PHF21B: variants seen among roughly 807,000 people sequenced by gnomAD.
PHF21B encodes PHD finger protein 4.
Under a neutral mutation model 62.2 loss-of-function variants are expected in PHF21B, and 22 were observed. That is an observed-to-expected ratio of 0.35 (90% CI 0.25 to 0.51). The LOEUF (loss-of-function observed/expected upper bound fraction) is 0.51. Ranked by LOEUF, PHF21B falls within the 20% of genes least tolerant of loss-of-function variation. The pLI is 0.97. For missense variants in PHF21B, 701 were observed against 707.9 expected (o/e 0.99, Z 0.11); for synonymous variants, 341 against 314.7 (o/e 1.08, Z -0.88).
chr22:44,970,280 CA>C (rs532048362), intron 2 of PHF21B, among the ~76,000 whole-genome samples: 7 of 152,364 alleles, frequency 4.6e-5, no homozygotes, highest in African/African-American at 1.7e-4. Context: ...CACAGAAGGG[CA>C]GGGGGGAATC....
intron 5 of PHF21B, among the ~76,000 whole-genome samples, chr22:44,911,483 T>C (rs908084023): frequency 9.2e-5 from 14 of 152,128 alleles, no homozygotes; most frequent in African/African-American, 2.7e-4. Flanking sequence ...TCTAGGGACT[T>C]AGTGCCCTGT....
In PHF21B at chr22:45,009,634, C is replaced by T. The variant is rs2073388985; in HGVS notation, c.-85G>A. ...GGCTCCGCGGGGGCCAGAGCGGGCG[C>T]GGGCGGACGCGGCCTCCGGGCTGGG... is the stretch of plus-strand genomic sequence containing the variant. On this transcript the variant is annotated 5_prime_UTR_variant, in exon 1 of 13. Transcript: ENST00000313237. This position sits in a 1 kb window ranked among gnomAD's most constrained non-coding sequence, Gnocchi z 5.9. 3 of 1,295,698 alleles carry T rather than the reference C, an allele frequency of 2.3e-6. No individual in the cohort carries two copies. The highest frequency in any genetic ancestry group is 3.3e-5 in the Admixed American group (1 of 30,498). 80.3% of individuals were successfully genotyped at this position (1,295,698 alleles called of 1,614,324 possible). A position where few individuals can be genotyped will look rare whatever the true frequency, so the allele number is the denominator to read the frequency against.
rs954642876 is a variant in PHF21B at position 44,882,721 on chromosome 22, G to A, written c.*365C>T. 20 of 228,108 alleles carry A rather than the reference G, an allele frequency of 8.8e-5. 2 individuals carry two copies. The highest frequency in any genetic ancestry group is 6.4e-4 in the Admixed American group (12 of 18,872). 14.1% of individuals were successfully genotyped at this position (228,108 alleles called of 1,614,324 possible). On this transcript the variant is annotated 3_prime_UTR_variant, in exon 13 of 13. Transcript: ENST00000313237. Reference sequence around the variant, plus strand: ...CAGTGGAGACTGCGTTCTGGGGGGCGTGCTTGTCCCCTCCACAGCCTCAGC... The same window carrying A: ...CAGTGGAGACTGCGTTCTGGGGGGCATGCTTGTCCCCTCCACAGCCTCAGC...
chr22:45,008,467 G>T, intron 2 of PHF21B, 78 bp downstream of exon 2: 2 of 1,374,440 alleles, frequency 1.5e-6, no homozygotes, highest in Non-Finnish European at 9.7e-7. Context: ...GCCCAGGCTG[G>T]CACTTTTTAG....
At chr22:44,984,213 C>T (rs2072904105) in intron 2 of PHF21B, among the ~76,000 whole-genome samples, 2 of 146,250 alleles carry the variant, frequency 1.4e-5, no homozygotes, top group Admixed American at 6.8e-5. Context: ...CCACCATCAT[C>T]ACCACCACCA....
intron 2 of PHF21B, among the ~76,000 whole-genome samples, chr22:44,963,463 C>G (rs887641916): frequency 1.3e-5 from 2 of 152,244 alleles, no homozygotes; most frequent in African/African-American, 2.4e-5. Context: ...CAAGCAGGGT[C>G]TGAGAGCCCT....
chr22:44,890,650 G>T (rs2070946842), intron 8 of PHF21B, among the ~76,000 whole-genome samples: 1 of 152,260 alleles, frequency 6.6e-6, no homozygotes, highest in African/African-American at 2.4e-5. Flanking sequence ...TAACTGAAGA[G>T]AACTGGCAGC....
intron 2 of PHF21B, among the ~76,000 whole-genome samples, chr22:44,990,010 G>A (rs372717735): frequency 1.3e-4 from 20 of 152,342 alleles, no homozygotes; most frequent in Admixed American, 8.5e-4. Flanking sequence ...AGTGCACGCC[G>A]AAGGGGCCAA....
Position 44,905,191 on chromosome 22 carries a change from C to T in PHF21B, c.831+8631G>A, listed in dbSNP as rs535064951. Among the ~76,000 whole-genome samples, 100 of 152,322 alleles carry T rather than the reference C, an allele frequency of 6.6e-4. 1 individual carries two copies. The South Asian group carries it at 0.017, about 27-fold the overall frequency. On this transcript the variant is annotated intron_variant, in intron 5 of 12. Coordinates refer to ENST00000313237, the MANE Select transcript of PHF21B (RefSeq NM_138415.5). ...TGCTGAAAGCCCCATGAGGTGAAAG[C>T]GAGGTTTCCCCACTTGTTTTCTGTC...
chr22:44,926,081 G>T (rs1366980050), intron 2 of PHF21B, among the ~76,000 whole-genome samples: 2 of 151,598 alleles, frequency 1.3e-5, no homozygotes, highest in Non-Finnish European at 3.0e-5. Flanking sequence ...GGGGAAGTGG[G>T]TTCTGTGGTG....
chr22:44,994,473 C>T (rs2073089018), intron 2 of PHF21B, among the ~76,000 whole-genome samples: 2 of 152,230 alleles, frequency 1.3e-5, no homozygotes, highest in East Asian at 3.9e-4. Context: ...CCCCTCGAGC[C>T]TCCGGAGGGA....
chr22:44,899,965 G>C (rs1274307846), intron 5 of PHF21B, among the ~76,000 whole-genome samples: 2 of 152,024 alleles, frequency 1.3e-5, no homozygotes, highest in Non-Finnish European at 2.9e-5. Context: ...ACTCCTTTCT[G>C]ATTTTTACTT....
Position 44,882,909 on chromosome 22 carries a change from C to T in PHF21B, c.*177G>A. On this transcript the variant is annotated 3_prime_UTR_variant, in exon 13 of 13. Transcript: ENST00000313237. ...TGAATTTGGAGGGCACAGGGCCGCA[C>T]CCCCACCTGGTCCTGGCTCTAGGCC... 1 of 755,982 alleles carries T rather than the reference C, an allele frequency of 1.3e-6. No homozygotes were observed. Among genetic ancestry groups the T allele is most frequent in the South Asian group, 1.9e-5 (1 of 52,426 alleles). The allele number at this position is 755,982 out of a possible 1,614,324, so 46.8% of individuals were successfully genotyped here. A position where few individuals can be genotyped will look rare whatever the true frequency, so the allele number is the denominator to read the frequency against.
At position 44,882,817 on chromosome 22, in the gene PHF21B, G is replaced by A. The variant is rs908049113; in HGVS notation, c.*269C>T. The stretch of plus-strand genomic sequence containing the variant: ...GGAAGCCAGAGGCCCAGGCAGCCCC[G>A]AGGTGGCCGGGGGGAGACTGTGTGC... On this transcript the variant is annotated 3_prime_UTR_variant, in exon 13 of 13. Transcript: ENST00000313237. 3.8e-5 allele frequency: 16 copies of A among 416,306 alleles called. No homozygotes were observed. Among genetic ancestry groups the A allele is most frequent in the East Asian group, 3.6e-4 (8 of 22,136 alleles). The allele number at this position is 416,306 out of a possible 1,614,324, so 25.8% of individuals were successfully genotyped here.
At chr22:44,975,231 G>A (rs2072714829) in intron 2 of PHF21B, among the ~76,000 whole-genome samples, 1 of 152,228 alleles carries the variant, frequency 6.6e-6, no homozygotes, top group Non-Finnish European at 1.5e-5. Flanking sequence ...GCTCCTGGCT[G>A]AGACACTTCA....
intron 2 of PHF21B, among the ~76,000 whole-genome samples, chr22:44,948,068 A>T (rs905352976): frequency 7.5e-6 from 1 of 133,816 alleles, no homozygotes; most frequent in African/African-American, 2.9e-5. Flanking sequence ...ACCTTACATC[A>T]GTGGTCTCCA....
intron 2 of PHF21B, among the ~76,000 whole-genome samples, chr22:44,939,626 G>C (rs2071916674): frequency 6.6e-6 from 1 of 152,150 alleles, no homozygotes; most frequent in Non-Finnish European, 1.5e-5. Flanking sequence ...GGTAACTGTG[G>C]GACACCCAGC....
chr22:44,993,631 C>CA, intron 2 of PHF21B, among the ~76,000 whole-genome samples: 1 of 152,362 alleles, frequency 6.6e-6, no homozygotes, highest in East Asian at 1.9e-4. Context: ...CAGCGGCCTT[C>CA]ATTTTAGCCA....
intron 2 of PHF21B, among the ~76,000 whole-genome samples, chr22:44,978,617 C>T (rs1395459588): frequency 6.6e-6 from 1 of 152,246 alleles, no homozygotes; most frequent in Admixed American, 6.5e-5. Flanking sequence ...CCTCGGTCTC[C>T]CAAAGTGCTG....
Sources: allele counts gnomAD v4.1 joint callset (sites outside exome capture counted in the v4.1 genomes callset), GRCh38; gene constraint gnomAD v4.1.1; non-coding constraint Gnocchi (gnomAD v3.1); transcripts MANE v1.5; gene names NCBI Gene and HGNC (gene_info 2026-07-23, HGNC 2026-07-21).